MAMDC2: variants seen among roughly 807,000 people sequenced by gnomAD.
The protein encoded by MAMDC2 is MAM domain-containing protein 2.
Under a neutral mutation model 89.8 loss-of-function variants are expected in MAMDC2, and 57 were observed. The observed-to-expected ratio is 0.63, with a 90% confidence interval of 0.51 to 0.79. The LOEUF is 0.79. Among genes scored for constraint, MAMDC2 ranks in the 30% least tolerant of loss-of-function variants. The pLI is 0.00. For synonymous variants in MAMDC2, 313 were observed against 293.4 expected (o/e 1.07, Z -0.68); for missense variants, 800 against 820.6 (o/e 0.97, Z 0.31).
At chr9:70,050,533 A>G (rs1419534680) in intron 2 of MAMDC2, among the ~76,000 whole-genome samples, 1 of 152,242 alleles carries the variant, frequency 6.6e-6, no homozygotes, top group East Asian at 1.9e-4. Flanking sequence ...AAATTGAGAT[A>G]GTAAAAGTAC....
At chr9:70,060,360 A>C (rs919699518) in intron 2 of MAMDC2, among the ~76,000 whole-genome samples, 1 of 152,194 alleles carries the variant, frequency 6.6e-6, no homozygotes, top group African/African-American at 2.4e-5. Flanking sequence ...TTTTTTAAAT[A>C]AAAAGAAATA....
chr9:70,081,557 G>A (rs550297591), intron 2 of MAMDC2: 2 of 152,214 alleles, frequency 1.3e-5, no homozygotes, highest in South Asian at 4.2e-4. Context: ...TGGTTTGTGT[G>A]TGTGTACATA....
chr9:70,166,198 A>T (rs1013489916), intron 9 of MAMDC2, among the ~76,000 whole-genome samples: 12 of 151,412 alleles, frequency 7.9e-5, no homozygotes, highest in Middle Eastern at 3.2e-3. Flanking sequence ...CTGAGATCGC[A>T]TCATTGCACT....
At chr9:70,206,977 G>A (rs1432560561) in intron 11 of MAMDC2, among the ~76,000 whole-genome samples, 1 of 152,140 alleles carries the variant, frequency 6.6e-6, no homozygotes, top group Non-Finnish European at 1.5e-5. Context: ...TTTTATGGCT[G>A]CATAGTATTC....
intron 2 of MAMDC2, among the ~76,000 whole-genome samples, chr9:70,065,627 A>G (rs1827247214): frequency 6.6e-6 from 1 of 150,572 alleles, no homozygotes; most frequent in Admixed American, 6.6e-5. Flanking sequence ...AGTTAGAATA[A>G]GGCAGAAAAA....
chr9:70,220,504 C>T (rs781099228), intron 12 of MAMDC2, among the ~76,000 whole-genome samples: 2 of 152,192 alleles, frequency 1.3e-5, no homozygotes, highest in Non-Finnish European at 2.9e-5. Flanking sequence ...TGCTCCAAAA[C>T]ATCCTAGTGT....
intron 11 of MAMDC2, among the ~76,000 whole-genome samples, chr9:70,208,724 G>T (rs896541354): frequency 5.5e-5 from 8 of 144,592 alleles, no homozygotes; most frequent in Middle Eastern, 3.2e-3. Flanking sequence ...TTTTCAAAGG[G>T]AATGCTTCCA....
chr9:70,207,222 C>T (rs1204147123), intron 11 of MAMDC2, among the ~76,000 whole-genome samples: 1 of 152,192 alleles, frequency 6.6e-6, no homozygotes, highest in Admixed American at 6.5e-5. Flanking sequence ...TCCACAATGG[C>T]TGAACTAGTT....
intron 2 of MAMDC2, among the ~76,000 whole-genome samples, chr9:70,074,429 A>G (rs1485575109): frequency 2.0e-5 from 3 of 152,216 alleles, no homozygotes; most frequent in Non-Finnish European, 4.4e-5. Context: ...GGCATGTGCA[A>G]ACAAAGTGGG....
chr9:70,079,022 T>G (rs1827597801), intron 2 of MAMDC2, among the ~76,000 whole-genome samples: 1 of 152,152 alleles, frequency 6.6e-6, no homozygotes, highest in African/African-American at 2.4e-5. Context: ...ACTGTCCATC[T>G]GAGAATCCCA....
At chr9:70,163,469 C>T (rs533007395) in intron 9 of MAMDC2, among the ~76,000 whole-genome samples, 42 of 151,944 alleles carry the variant, frequency 2.8e-4, no homozygotes, top group Non-Finnish European at 7.4e-5. Context: ...TCAAGTGATG[C>T]GCCTGCCTTG....
intron 10 of MAMDC2, among the ~76,000 whole-genome samples, chr9:70,169,223 A>G (rs1587538537): frequency 1.3e-5 from 2 of 152,240 alleles, no homozygotes; most frequent in Non-Finnish European, 2.9e-5. Flanking sequence ...AAATTTTAAT[A>G]AACATTTTCT....
intron 11 of MAMDC2, among the ~76,000 whole-genome samples, chr9:70,213,693 C>T (rs1030828371): frequency 6.6e-6 from 1 of 152,022 alleles, no homozygotes; most frequent in Non-Finnish European, 1.5e-5. Flanking sequence ...TGTGCAAAAC[C>T]CCCTGTGCTT....
chr9:70,131,815 A>G (rs1008967363), intron 7 of MAMDC2, among the ~76,000 whole-genome samples: 1 of 152,176 alleles, frequency 6.6e-6, no homozygotes, highest in African/African-American at 2.4e-5. Context: ...TTCTGACACC[A>G]TCAGCCAGTT....
At chr9:70,162,941 A>G (rs2032028729) in intron 9 of MAMDC2, among the ~76,000 whole-genome samples, 1 of 151,314 alleles carries the variant, frequency 6.6e-6, no homozygotes, top group Non-Finnish European at 1.5e-5. Context: ...AAGAGACTTA[A>G]AATTATATAC....
chr9:70,155,272 A>G (rs1269304433), intron 9 of MAMDC2, among the ~76,000 whole-genome samples: 3 of 152,250 alleles, frequency 2.0e-5, no homozygotes, highest in African/African-American at 2.4e-5. Flanking sequence ...CAAATTTCCA[A>G]CTTGACCCTC....
In MAMDC2 at chr9:70,044,226, T is replaced by A. The variant is rs1826675352; in HGVS notation, c.29T>A (p.Leu10Ter). 1.2e-5 allele frequency: 20 copies of A among 1,613,134 alleles called. No homozygotes were observed. Among genetic ancestry groups the A allele is most frequent in the Non-Finnish European group, 1.7e-5 (20 of 1,179,936 alleles). ...CTGTTAAGGGGCGTCCTCCTGGCGTTGCAAGGTAAGGCCTGGACCCCGGGA... is the reference window on the plus strand; with the variant it reads ...CTGTTAAGGGGCGTCCTCCTGGCGTAGCAAGGTAAGGCCTGGACCCCGGGA... MLLRGVLLA[L>*]QALQLAGALD... The change falls in exon 1 of 14, where the codon TTG becomes TAG. Residue 10 changes from leucine to a stop codon, truncating the protein, a stop_gained. Coordinates refer to ENST00000377182, the MANE Select transcript of MAMDC2 (RefSeq NM_153267.5). LOFTEE classifies it high-confidence loss of function.
At chr9:70,155,683 T>C (rs1459593222) in intron 9 of MAMDC2, among the ~76,000 whole-genome samples, 1 of 152,196 alleles carries the variant, frequency 6.6e-6, no homozygotes, top group African/African-American at 2.4e-5. Flanking sequence ...GAAAGATGTA[T>C]CTTCAATTAT....
intron 11 of MAMDC2, among the ~76,000 whole-genome samples, chr9:70,212,699 CG>C (rs1241164953): frequency 6.6e-6 from 1 of 152,194 alleles, no homozygotes; most frequent in Non-Finnish European, 1.5e-5. Flanking sequence ...CCGTCTTCTG[CG>C]TCACTCATGC....
Sources: allele counts gnomAD v4.1 joint callset (sites outside exome capture counted in the v4.1 genomes callset), GRCh38; gene constraint gnomAD v4.1.1; transcripts MANE v1.5; gene names NCBI Gene and HGNC (gene_info 2026-07-23, HGNC 2026-07-21).